Variants in LRRC7 observed in about 807,000 individuals in gnomAD.
The protein encoded by LRRC7 is leucine rich repeat containing 7.
In LRRC7, 23 loss-of-function variants were observed where a neutral mutation model predicts 175.7. The ratio of observed to expected loss-of-function variants is 0.13; its 90% CI spans 0.09 to 0.19. The LOEUF is 0.19. LRRC7 is among the 10% of genes least tolerant of loss of function. The probability of loss-of-function intolerance (pLI) is 1.00; values close to 1 mark genes in which losing one functional copy is unlikely to be tolerated. For missense variants in LRRC7, 1,354 were observed against 1,904.7 expected (o/e 0.71, Z 5.38); for synonymous variants, 685 against 680.9 (o/e 1.01, Z -0.09).
chr1:70,036,259 AT>A (rs1275650402), intron 19 of LRRC7, 27 bp downstream of exon 19: 15 of 1,570,280 alleles, frequency 9.6e-6, no homozygotes, highest in Admixed American at 1.7e-5. Flanking sequence ...AATGTGGAAA[AT>A]ATGCTACAAA....
intron 5 of LRRC7, among the ~76,000 whole-genome samples, chr1:69,834,076 T>C (rs1297577450): frequency 1.3e-5 from 2 of 152,152 alleles, no homozygotes; most frequent in African/African-American, 4.8e-5. Context: ...GTTAAATCTT[T>C]TTACATTTAA....
intron 2 of LRRC7, among the ~76,000 whole-genome samples, chr1:69,707,798 T>C (rs931423225): frequency 2.6e-5 from 4 of 152,154 alleles, no homozygotes; most frequent in Admixed American, 1.3e-4. Context: ...AGCAGACTCT[T>C]GCTTTAGAAC....
intron 1 of LRRC7, among the ~76,000 whole-genome samples, chr1:69,580,948 CCAGA>C (rs1646175805): frequency 6.6e-6 from 1 of 152,030 alleles, no homozygotes. Flanking sequence ...TAGAAGTTAG[CCAGA>C]CAAAGAAAGA....
intron 1 of LRRC7, among the ~76,000 whole-genome samples, chr1:69,614,175 A>T (rs1305197749): frequency 6.6e-6 from 1 of 152,018 alleles, no homozygotes; most frequent in Non-Finnish European, 1.5e-5. Context: ...TAAACTCTTC[A>T]TTGAAAAATT....
Position 70,080,476 on chromosome 1 carries a change from C to A in LRRC7, c.4452+4178C>A, listed in dbSNP as rs184017674. Among the ~76,000 whole-genome samples, 31 of 152,270 alleles carry A rather than the reference C, an allele frequency of 2.0e-4. No homozygotes were observed. In the East Asian group the frequency reaches 5.2e-3, roughly 26 times the overall value. ...ATCTAAACTTTCAAACTACCCATCA[C>A]AATAAAAAGGACAAAATATTCAAGA... On this transcript the variant is annotated intron_variant, in intron 24 of 26. Coordinates refer to ENST00000651989, the MANE Select transcript of LRRC7 (RefSeq NM_001370785.2).
chr1:69,825,809 T>C lies in LRRC7; in HGVS notation c.483T>C (p.Ser161=). ...CCKCLTIIEA[S]VNPISKLPDG... is the part of the protein sequence containing the mutation. The stretch of plus-strand genomic sequence containing the variant: ...AGTGTTTAACAATTATTGAAGCCAG[T>C]GTCAATCCCATTTCTAAGTGAGTAT... The change falls in exon 5 of 27, where the codon AGT becomes AGC. Residue 161 remains serine, a synonymous_variant. Transcript: ENST00000651989. The C allele has an allele frequency of 6.2e-7, 1 of 1,601,952 alleles. No individual in the cohort carries two copies. The highest frequency in any genetic ancestry group is 8.5e-7 in the Non-Finnish European group (1 of 1,172,658).
chr1:69,630,690 C>A (rs1652350467), intron 1 of LRRC7, among the ~76,000 whole-genome samples: 1 of 151,806 alleles, frequency 6.6e-6, no homozygotes, highest in Admixed American at 6.6e-5. Flanking sequence ...CTATTAGATG[C>A]CTATTTTCTA....
At chr1:69,702,605 A>G (rs1228525756) in intron 2 of LRRC7, among the ~76,000 whole-genome samples, 1 of 152,150 alleles carries the variant, frequency 6.6e-6, no homozygotes, top group South Asian at 2.1e-4. Flanking sequence ...GACCATTAAG[A>G]CTAACTTTTT....
chr1:69,729,305 C>A (rs1415522679), intron 2 of LRRC7, among the ~76,000 whole-genome samples: 2 of 152,168 alleles, frequency 1.3e-5, no homozygotes, highest in African/African-American at 4.8e-5. Flanking sequence ...AAGGTCTTCA[C>A]TTATTCCAGC....
chr1:69,731,101 A>G (rs1667528953), intron 2 of LRRC7, among the ~76,000 whole-genome samples: 1 of 151,982 alleles, frequency 6.6e-6, no homozygotes. Context: ...GGAGATAGAG[A>G]CCATCTTATG....
intron 23 of LRRC7, among the ~76,000 whole-genome samples, chr1:70,058,907 C>T (rs992046739): frequency 4.6e-5 from 7 of 152,120 alleles, no homozygotes; most frequent in African/African-American, 1.7e-4. Context: ...AAATGATACT[C>T]TTTTAAAAGT....
At chr1:70,080,245 C>T (rs1406736962) in intron 24 of LRRC7, among the ~76,000 whole-genome samples, 1 of 152,160 alleles carries the variant, frequency 6.6e-6, no homozygotes, top group Non-Finnish European at 1.5e-5. Flanking sequence ...CTCTGTATCC[C>T]TTAATGTCAC....
chr1:69,853,591 A>T (rs1557812429), intron 7 of LRRC7, among the ~76,000 whole-genome samples: 1 of 151,686 alleles, frequency 6.6e-6, no homozygotes, highest in Non-Finnish European at 1.5e-5. Flanking sequence ...TGTTCCTCTT[A>T]AATAATTTTA....
chr1:69,907,227 C>G (rs2101687259), intron 7 of LRRC7, among the ~76,000 whole-genome samples: 1 of 152,328 alleles, frequency 6.6e-6, no homozygotes, highest in African/African-American at 2.4e-5. Flanking sequence ...TTGACTTCCT[C>G]TTTTCCTAAT....
At chr1:69,596,538 C>T (rs1646853469) in intron 1 of LRRC7, among the ~76,000 whole-genome samples, 1 of 152,128 alleles carries the variant, frequency 6.6e-6, no homozygotes, top group South Asian at 2.1e-4. Flanking sequence ...ACGGAAGTGT[C>T]GCAGAAAGAG....
intron 24 of LRRC7, among the ~76,000 whole-genome samples, chr1:70,078,336 C>A (rs1662936240): frequency 6.6e-6 from 1 of 152,148 alleles, no homozygotes; most frequent in African/African-American, 2.4e-5. Context: ...AAGCTGTTTT[C>A]ACAGTTGGCC....
intron 2 of LRRC7, among the ~76,000 whole-genome samples, chr1:69,678,835 G>T (rs1235056075): frequency 6.6e-6 from 1 of 152,118 alleles, no homozygotes; most frequent in African/African-American, 2.4e-5. Context: ...TGTATCTAAA[G>T]TCAACACTTT....
rs1379934681 is a variant in LRRC7, at chr1:70,122,019, T to G, written c.*132T>G. 8.4e-6 allele frequency: 5 copies of G among 598,008 alleles called. No individual in the cohort carries two copies. The Admixed American group carries it at 1.6e-4, about 20-fold the overall frequency. The allele number at this position is 598,008 out of a possible 1,614,324, so 37.0% of individuals were successfully genotyped here. ...AGTGCCAAATGTATAATACTATATG[T>G]TAGCACTGACCATCCTTAAAAAATG... On this transcript the variant is annotated 3_prime_UTR_variant, in exon 27 of 27. Transcript: ENST00000651989.
chr1:69,856,960 TA>T (rs1185170726), intron 7 of LRRC7, among the ~76,000 whole-genome samples: 1 of 152,034 alleles, frequency 6.6e-6, no homozygotes, highest in Non-Finnish European at 1.5e-5. Flanking sequence ...TGGTTCAACA[TA>T]CACAAATCAA....
Sources: allele counts gnomAD v4.1 joint callset (sites outside exome capture counted in the v4.1 genomes callset), GRCh38; gene constraint gnomAD v4.1.1; transcripts MANE v1.5; gene names NCBI Gene and HGNC (gene_info 2026-07-23, HGNC 2026-07-21).